The following HPSE2 variants were observed in gnomAD, a reference collection of about 807,000 sequenced individuals.
The protein encoded by HPSE2 is inactive heparanase-2.
A neutral mutation model predicts 60.5 loss-of-function variants in HPSE2; 38 were observed. That is an observed-to-expected ratio of 0.63 (90% CI 0.48 to 0.82). The LOEUF is 0.82. HPSE2 is among the 40% of genes least tolerant of loss of function. HPSE2 has a pLI of 0.00. For missense variants in HPSE2, 713 were observed against 740.4 expected, an observed-to-expected ratio of 0.96 and a Z score of 0.43; for synonymous variants, 295 against 293.2, an observed-to-expected ratio of 1.01 and a Z score of -0.06.
intron 2 of HPSE2, among the ~76,000 whole-genome samples, chr10:99,214,646 G>A (rs999304455): frequency 2.0e-5 from 3 of 152,022 alleles, no homozygotes; most frequent in African/African-American, 7.2e-5. Context: ...TATCATCAGG[G>A]TGAACAGGCA....
intron 9 of HPSE2, among the ~76,000 whole-genome samples, chr10:98,517,822 A>T (rs1381889686): frequency 6.6e-6 from 1 of 152,216 alleles, no homozygotes; most frequent in Admixed American, 6.5e-5. Flanking sequence ...CTGCTCTGAG[A>T]TCCAAGTTCC....
chr10:99,105,061 TAAA>T (rs56694752), intron 3 of HPSE2, among the ~76,000 whole-genome samples: 2 of 138,184 alleles, frequency 1.4e-5, no homozygotes, highest in African/African-American at 2.7e-5. Flanking sequence ...TAAAATATAA[TAAA>T]AAAAAAAAAA....
intron 3 of HPSE2, among the ~76,000 whole-genome samples, chr10:98,745,322 T>TC (rs1295782320): frequency 6.6e-6 from 1 of 152,230 alleles, no homozygotes; most frequent in East Asian, 1.9e-4. Flanking sequence ...TTGCCACCAT[T>TC]CTTTTTCTGG....
At chr10:99,032,307 G>T (rs1375563760) in intron 3 of HPSE2, among the ~76,000 whole-genome samples, 2 of 152,040 alleles carry the variant, frequency 1.3e-5, no homozygotes, top group African/African-American at 2.4e-5. Context: ...TAAAGAAGGG[G>T]TGGAAAGAAA....
chr10:98,483,616 T>G (rs556104883), intron 10 of HPSE2, among the ~76,000 whole-genome samples: 31 of 152,312 alleles, frequency 2.0e-4, no homozygotes, highest in African/African-American at 7.2e-4. Flanking sequence ...TACTAAGTGA[T>G]CGCGTGATTT....
the HPSE2 span, among the ~76,000 whole-genome samples, chr10:99,280,777 T>G: frequency 6.6e-6 from 1 of 152,194 alleles, no homozygotes; most frequent in African/African-American, 2.4e-5. Context: ...CAGCTCTGGA[T>G]TCAAATCCAG....
At chr10:98,822,458 G>A (rs531867284) in intron 3 of HPSE2, among the ~76,000 whole-genome samples, 1 of 152,046 alleles carries the variant, frequency 6.6e-6, no homozygotes. Flanking sequence ...TTAATAAACT[G>A]CTTATAGAGA....
intron 5 of HPSE2, among the ~76,000 whole-genome samples, chr10:98,698,913 C>A (rs1948317757): frequency 1.3e-5 from 2 of 152,206 alleles, no homozygotes; most frequent in South Asian, 2.1e-4. Flanking sequence ...AATTCCTCCA[C>A]ACATACACCC....
At chr10:98,480,577 G>A (rs10883108) in intron 11 of HPSE2, among the ~76,000 whole-genome samples, 37,943 of 152,014 alleles carry the variant, frequency 0.25, 5,705 homozygotes, top group African/African-American at 0.43. Flanking sequence ...AGGCAGGGAC[G>A]TAGGGGTGGG....
rs1169025275 is a variant in HPSE2 at position 98,601,449 on chromosome 10, AG to A, written c.1320+13454del. The stretch of plus-strand genomic sequence containing the variant: ...GAGTGGCATACTCAGTGTAAATCTG[AG>A]TTCAGCCAAGAACATGTAGGGCTGA... On this transcript the variant is annotated intron_variant, in intron 9 of 11. Coordinates refer to ENST00000370552, the MANE Select transcript of HPSE2 (RefSeq NM_021828.5). Among the ~76,000 whole-genome samples, 6 of 152,314 alleles carry A rather than the reference AG, an allele frequency of 3.9e-5. No homozygotes were observed. The East Asian group carries it at 7.7e-4, about 20-fold the overall frequency.
intron 3 of HPSE2, among the ~76,000 whole-genome samples, chr10:99,071,095 G>A (rs1842775623): frequency 6.9e-6 from 1 of 145,344 alleles, no homozygotes; most frequent in South Asian, 2.2e-4. Flanking sequence ...TTGAGATGGA[G>A]TCTCACTCTT....
intron 3 of HPSE2, among the ~76,000 whole-genome samples, chr10:99,092,721 A>G (rs144950963): frequency 6.6e-6 from 1 of 152,066 alleles, no homozygotes; most frequent in South Asian, 2.1e-4. Flanking sequence ...CTGAGCCACC[A>G]TTTTCTTAAT....
rs200059066 is a variant in HPSE2 at position 99,184,522 on chromosome 10, C to CAAAAAAAAA, written c.449-40132_449-40124dup. 2.4e-3 allele frequency among the ~76,000 whole-genome samples: 143 copies of CAAAAAAAAA among 60,752 alleles called. 3 individuals carry two copies. Among genetic ancestry groups the CAAAAAAAAA allele is most frequent in the Non-Finnish European group, 3.0e-3 (114 of 38,176 alleles). The allele number at this position is 60,752 out of a possible 152,430, so 39.9% of individuals were successfully genotyped here. A position where few individuals can be genotyped will look rare whatever the true frequency, so the allele number is the denominator to read the frequency against. On this transcript the variant is annotated intron_variant, in intron 2 of 11. Coordinates refer to ENST00000370552, the MANE Select transcript of HPSE2 (RefSeq NM_021828.5). ...CCTGGGCAACAGAGCGAGACTGTCT[C>CAAAAAAAAA]AAAAAAAAAAAAAAAAAAAAAAAAA...
chr10:98,743,931 TC>T lies in HPSE2; in HGVS notation c.735del (p.Lys246SerfsTer29). The T allele has an allele frequency of 6.2e-7, 1 of 1,614,084 alleles. No homozygotes were observed. The highest frequency in any genetic ancestry group is 1.1e-5 in the South Asian group (1 of 91,082). On this transcript the variant is annotated frameshift_variant, in exon 4 of 12. Coordinates refer to ENST00000370552, the MANE Select transcript of HPSE2 (RefSeq NM_021828.5). LOFTEE classifies it high-confidence loss of function. ...TTGTACTTTTTGCTGGCGCTGTACT[TC>T]AACAGACTCAGGGCACTAGAACTGT... is the stretch of plus-strand genomic sequence containing the variant. ...SWNSSSALSLLKYSASKKYNI... is the reference protein window; with the variant it reads ...SWNSSSALSLXKYSASKKYNI...
chr10:98,911,144 C>G (rs1358132318), intron 3 of HPSE2, among the ~76,000 whole-genome samples: 3 of 152,158 alleles, frequency 2.0e-5, no homozygotes, highest in African/African-American at 7.2e-5. Context: ...TAAAAGACCT[C>G]AACAAATGTG....
the HPSE2 span, among the ~76,000 whole-genome samples, chr10:99,285,590 A>G: frequency 3.3e-4 from 50 of 151,638 alleles, 1 homozygote; most frequent in South Asian, 0.01. Flanking sequence ...GGAAGGAAGG[A>G]TAAAATGGGT....
chr10:98,723,996 C>A (rs958310634), intron 4 of HPSE2, among the ~76,000 whole-genome samples: 4 of 152,028 alleles, frequency 2.6e-5, no homozygotes, highest in Admixed American at 2.0e-4. Flanking sequence ...TTATTTCTTG[C>A]CTTTTGCTAG....
chr10:98,951,644 G>T (rs536177500), intron 3 of HPSE2, among the ~76,000 whole-genome samples: 5 of 152,278 alleles, frequency 3.3e-5, no homozygotes, highest in African/African-American at 9.6e-5. Flanking sequence ...TGGGAATTCT[G>T]AAGATGTTTA....
the HPSE2 span, among the ~76,000 whole-genome samples, chr10:99,259,137 C>G: frequency 1.3e-5 from 2 of 152,070 alleles, no homozygotes; most frequent in Admixed American, 1.3e-4. Context: ...AAAACCCCAT[C>G]TCTACTAAAA....
Sources: gnomAD v4.1 joint callset for allele counts (sites outside exome capture counted in the v4.1 genomes callset) on GRCh38, gnomAD v4.1.1 for gene constraint, MANE v1.5 for transcripts, NCBI Gene and HGNC (gene_info 2026-07-23, HGNC 2026-07-21) for gene names.